The following KCNH1 variants were observed in gnomAD, a reference collection of about 807,000 sequenced individuals.
KCNH1 encodes the protein potassium voltage-gated channel subfamily H member 1, also known as voltage-gated delayed rectifier potassium channel KCNH1.
A neutral mutation model predicts 69.2 loss-of-function variants in KCNH1; 27 were observed. The ratio of observed to expected loss-of-function variants is 0.39; its 90% confidence interval spans 0.29 to 0.54. The LOEUF is 0.54. Ranked by LOEUF, KCNH1 falls within the 20% of genes least tolerant of loss-of-function variation. The pLI is 0.68. For missense variants in KCNH1, 798 were observed against 1,261.6 expected (o/e 0.63, Z 5.57); for synonymous variants, 456 against 487.7 (o/e 0.93, Z 0.86).
In KCNH1 at chr1:210,720,836, A is replaced by C. The variant is rs138840073; in HGVS notation, c.2113-36698T>G. 8.5e-5 allele frequency among the ~76,000 whole-genome samples: 13 copies of C among 152,226 alleles called. No homozygotes were observed. In the East Asian group the frequency reaches 2.1e-3, roughly 25 times the overall value. ...CTGAGATTGTTTTCCCTGCTCCTTTATGTTGTCCAGGAAAGTTGGGCCTCC... is the reference window on the plus strand; with the variant it reads ...CTGAGATTGTTTTCCCTGCTCCTTTCTGTTGTCCAGGAAAGTTGGGCCTCC... On this transcript the variant is annotated intron_variant, in intron 10 of 10. Transcript: ENST00000271751.
rs1041229906 is a variant in KCNH1 at position 210,808,741 on chromosome 1, C to T, written c.1463-4575G>A. On this transcript the variant is annotated intron_variant, in intron 7 of 10. Transcript: ENST00000271751. ...GATTACATGTTTTTCATGCACGTAA[C>T]GTTTAATTTATATTGGTATCTTATA... Among the ~76,000 whole-genome samples the T allele has an allele frequency of 3.9e-5, 6 of 152,078 alleles. No homozygotes were observed. In the South Asian group the frequency reaches 6.2e-4, roughly 16 times the overall value.
intron 7 of KCNH1, among the ~76,000 whole-genome samples, chr1:210,911,655 G>A (rs375885690): frequency 6.7e-6 from 1 of 148,606 alleles, no homozygotes; most frequent in African/African-American, 2.5e-5. Flanking sequence ...AAGAAGGAAA[G>A]GGATTTTTCA....
chr1:210,944,502 C>A (rs1687923810), intron 6 of KCNH1, among the ~76,000 whole-genome samples: 1 of 152,172 alleles, frequency 6.6e-6, no homozygotes, highest in African/African-American at 2.4e-5. Context: ...AAGACATAAG[C>A]CTCGCCTCAG....
intron 7 of KCNH1, among the ~76,000 whole-genome samples, chr1:210,900,902 C>T (rs996053248): frequency 6.6e-6 from 1 of 152,168 alleles, no homozygotes; most frequent in East Asian, 1.9e-4. Context: ...TATAGTCACA[C>T]ACAGCTCACA....
intron 5 of KCNH1, among the ~76,000 whole-genome samples, chr1:211,074,060 A>G (rs1258294369): frequency 1.3e-5 from 2 of 150,890 alleles, no homozygotes; most frequent in African/African-American, 4.9e-5. Flanking sequence ...AGTAGACTAA[A>G]ACTCATTGTT....
At chr1:211,029,334 TAAAAAAAAAAA>T (rs58241322) in intron 5 of KCNH1, among the ~76,000 whole-genome samples, 4 of 23,140 alleles carry the variant, frequency 1.7e-4, no homozygotes, top group Non-Finnish European at 2.1e-4. Flanking sequence ...TCCTGTCACT[TAAAAAAAAAAA>T]AAAAAAAAAA....
chr1:210,965,839 A>T (rs1688389717), intron 6 of KCNH1, among the ~76,000 whole-genome samples: 1 of 152,200 alleles, frequency 6.6e-6, no homozygotes, highest in Non-Finnish European at 1.5e-5. Context: ...TGCTATCCCC[A>T]TCAAGCTACC....
intron 7 of KCNH1, among the ~76,000 whole-genome samples, chr1:210,877,356 A>C (rs566093217): frequency 2.6e-5 from 4 of 152,284 alleles, no homozygotes; most frequent in African/African-American, 9.6e-5. Context: ...ACAGCAAGGA[A>C]AGTGGCTCTG....
intron 7 of KCNH1, among the ~76,000 whole-genome samples, chr1:210,822,937 G>C (rs1340239480): frequency 6.6e-6 from 1 of 152,134 alleles, no homozygotes; most frequent in Non-Finnish European, 1.5e-5. Flanking sequence ...AGCCACTCTA[G>C]GATCGGGGTG....
At chr1:210,886,776 C>T (rs1686617166) in intron 7 of KCNH1, among the ~76,000 whole-genome samples, 1 of 151,812 alleles carries the variant, frequency 6.6e-6, no homozygotes, top group South Asian at 2.1e-4. Context: ...CTGAATCGAT[C>T]AAGCGGAAGA....
intron 9 of KCNH1, among the ~76,000 whole-genome samples, chr1:210,788,501 T>G (rs1309138501): frequency 1.3e-5 from 2 of 152,140 alleles, no homozygotes; most frequent in Non-Finnish European, 2.9e-5. Flanking sequence ...TCAATAAACT[T>G]TCCTAGCTGC....
At chr1:211,005,567 A>C (rs1016969243) in intron 6 of KCNH1, among the ~76,000 whole-genome samples, 3 of 152,170 alleles carry the variant, frequency 2.0e-5, no homozygotes, top group African/African-American at 7.2e-5. Flanking sequence ...TGAGGAAAAA[A>C]TAAAACTTGA....
At chr1:210,792,701 T>C (rs1267860579) in intron 9 of KCNH1, among the ~76,000 whole-genome samples, 1 of 144,308 alleles carries the variant, frequency 6.9e-6, no homozygotes, top group African/African-American at 2.6e-5. Context: ...AAAAAAAAAA[T>C]CCACAAAACA....
At chr1:210,988,116 G>C (rs1688876439) in intron 6 of KCNH1, among the ~76,000 whole-genome samples, 1 of 152,180 alleles carries the variant, frequency 6.6e-6, no homozygotes. Context: ...TGTGCCATTT[G>C]TTAAGCCCGT....
chr1:210,890,403 T>C (rs906908675), intron 7 of KCNH1, among the ~76,000 whole-genome samples: 3 of 152,158 alleles, frequency 2.0e-5, no homozygotes, highest in African/African-American at 7.2e-5. Flanking sequence ...TCCAGAAGGA[T>C]TAAAGACTTA....
chr1:210,732,372 A>T (rs927572589), intron 10 of KCNH1, among the ~76,000 whole-genome samples: 1 of 152,074 alleles, frequency 6.6e-6, no homozygotes, highest in Non-Finnish European at 1.5e-5. Flanking sequence ...CAAGAAAGGA[A>T]TACAATTCAT....
Position 211,018,798 on chromosome 1 carries a change from C to T in KCNH1, c.1017G>A (p.Glu339=), listed in dbSNP as rs778477124. The change falls in exon 6 of 11, where the codon GAG becomes GAA. Residue 339 remains glutamate (E), a synonymous_variant. Transcript: ENST00000271751. Reference sequence around the variant, plus strand: ...AGGGATGTACCTGACTCTCTCTCCCCTCCAGTGGTGGTGGAATCTGATCAG... The same window carrying T: ...AGGGATGTACCTGACTCTCTCTCCCTTCCAGTGGTGGTGGAATCTGATCAG... ...GFADQIPPPL[E]GRESQGISSL... 3.1e-6 allele frequency: 5 copies of T among 1,608,874 alleles called. No homozygotes were observed. The East Asian group carries it at 8.9e-5, about 29-fold the overall frequency.
chr1:210,865,133 G>A (rs1299912028), intron 7 of KCNH1, among the ~76,000 whole-genome samples: 4 of 152,150 alleles, frequency 2.6e-5, no homozygotes, highest in Non-Finnish European at 5.9e-5. Flanking sequence ...AAGAACATGT[G>A]GAATGGAAGG....
intron 7 of KCNH1, among the ~76,000 whole-genome samples, chr1:210,834,907 G>A (rs1162709947): frequency 6.6e-6 from 1 of 152,038 alleles, no homozygotes; most frequent in African/African-American, 2.4e-5. Context: ...TTCCAGAGCT[G>A]TGAGAAATAA....
Sources: allele counts gnomAD v4.1 joint callset (sites outside exome capture counted in the v4.1 genomes callset), GRCh38; gene constraint gnomAD v4.1.1; transcripts MANE v1.5; gene names NCBI Gene and HGNC (gene_info 2026-07-23, HGNC 2026-07-21).